The following ZFHX3 variants were observed in gnomAD, a reference collection of about 807,000 sequenced individuals.
ZFHX3 encodes zinc finger homeobox 3.
A neutral mutation model predicts 279.1 loss-of-function variants in ZFHX3; 42 were observed. The observed-to-expected ratio is 0.15, with a 90% confidence interval of 0.12 to 0.19. The LOEUF is 0.19. ZFHX3 is among the 10% of genes least tolerant of loss of function. The pLI, the probability that ZFHX3 is intolerant of heterozygous loss-of-function variation, is 1.00. For missense variants in ZFHX3, 4,981 were observed against 4,754.0 expected (o/e 1.05, Z -1.40); for synonymous variants, 2,293 against 1,957.8 (o/e 1.17, Z -4.52).
intron 3 of ZFHX3, among the ~76,000 whole-genome samples, chr16:73,346,764 G>T (rs1016327277): frequency 1.3e-5 from 2 of 152,128 alleles, no homozygotes; most frequent in African/African-American, 4.8e-5. Context: ...GAGCCACTGT[G>T]CCCAGTCTGT....
rs11417738 is a variant in ZFHX3, at chr16:73,454,574, C to CAAA, written c.-1291+1426_-1291+1428dup. 1.2e-3 allele frequency among the ~76,000 whole-genome samples: 168 copies of CAAA among 137,450 alleles called. 5 individuals carry two copies. The highest frequency in any genetic ancestry group is 9.2e-3 in the East Asian group (44 of 4,760). 90.2% of individuals were successfully genotyped at this position (137,450 alleles called of 152,430 possible). On this transcript the variant is annotated intron_variant, in intron 3 of 17. Transcript: ENST00000641206. The stretch of plus-strand genomic sequence containing the variant: ...TCCTCACTCTCACAGCCAAATTTCT[C>CAAA]AAAAAAAAAAAAAAAGCCATTTACA...
upstream of ZFHX3, among the ~76,000 whole-genome samples, chr16:73,052,232 C>A (rs942816298): frequency 2.6e-5 from 4 of 151,870 alleles, no homozygotes; most frequent in Non-Finnish European, 5.9e-5. Context: ...AAAAAAATCC[C>A]AACACGGTAT....
chr16:72,902,285 G>T (rs1320916628), intron 3 of ZFHX3, among the ~76,000 whole-genome samples: 2 of 152,254 alleles, frequency 1.3e-5, no homozygotes, highest in South Asian at 2.1e-4. Context: ...TCTCAATCAG[G>T]TCTGATCAAT....
intron 1 of ZFHX3, among the ~76,000 whole-genome samples, chr16:73,873,997 G>A (rs190456959): frequency 6.6e-6 from 1 of 152,058 alleles, no homozygotes; most frequent in South Asian, 2.1e-4. Flanking sequence ...AGAAACAAAG[G>A]TATTGCTACT....
At chr16:72,879,882 G>C (rs781415053) in intron 4 of ZFHX3, among the ~76,000 whole-genome samples, 3 of 152,206 alleles carry the variant, frequency 2.0e-5, no homozygotes, top group African/African-American at 4.8e-5. Context: ...AGTCCTCTTG[G>C]TGTTTGCCAG....
chr16:73,490,987 A>G (rs764385506), intron 2 of ZFHX3, among the ~76,000 whole-genome samples: 4 of 152,218 alleles, frequency 2.6e-5, no homozygotes, highest in Non-Finnish European at 5.9e-5. Context: ...TGTTGGGTGC[A>G]GTTTTTATAT....
intron 3 of ZFHX3, among the ~76,000 whole-genome samples, chr16:73,399,442 C>T (rs768335660): frequency 9.2e-5 from 14 of 152,136 alleles, no homozygotes; most frequent in Admixed American, 2.0e-4. Flanking sequence ...CTTGGGGACA[C>T]GCAGCACCCC....
chr16:73,648,199 C>T lies in ZFHX3; in HGVS notation c.-1547+31981G>A, dbSNP rs77010467. Among the ~76,000 whole-genome samples the T allele has an allele frequency of 6.5e-3, 981 of 152,010 alleles. 9 individuals carry two copies. The highest frequency in any genetic ancestry group is 0.023 in the African/African-American group (934 of 41,440). On this transcript the variant is annotated intron_variant, in intron 2 of 17. Coordinates refer to the ZFHX3 transcript ENST00000641206. Reference sequence around the variant, plus strand: ...GTGCAGGATATATCTATATGGATGCCGACTGATGCATTATTTTAATTATAA... The same window carrying T: ...GTGCAGGATATATCTATATGGATGCTGACTGATGCATTATTTTAATTATAA...
At chr16:73,347,904 T>C (rs950256652) in intron 3 of ZFHX3, among the ~76,000 whole-genome samples, 1 of 152,230 alleles carries the variant, frequency 6.6e-6, no homozygotes, top group Non-Finnish European at 1.5e-5. Flanking sequence ...CCATTGGACA[T>C]GAAGCTGATA....
chr16:72,869,274 GCA>G (rs759833203), intron 4 of ZFHX3, among the ~76,000 whole-genome samples: 1 of 152,168 alleles, frequency 6.6e-6, no homozygotes, highest in African/African-American at 2.4e-5. Flanking sequence ...GTGAGCTCTT[GCA>G]CAGTTACCAG....
rs574072550 is a variant in ZFHX3, at chr16:73,617,218, T to G, written c.-1547+62962A>C. On this transcript the variant is annotated intron_variant, in intron 2 of 17. Coordinates refer to the ZFHX3 transcript ENST00000641206. Reference sequence around the variant, plus strand: ...GCCCTATCATTAGCTGTAATTGATATGACGGGCTGCTTATAAGGTGGGAAT... The same window carrying G: ...GCCCTATCATTAGCTGTAATTGATAGGACGGGCTGCTTATAAGGTGGGAAT... Among the ~76,000 whole-genome samples the G allele has an allele frequency of 7.9e-5, 12 of 152,350 alleles. No individual in the cohort carries two copies. In the South Asian group the frequency reaches 2.1e-3, roughly 26 times the overall value.
At chr16:73,523,906 C>T (rs1393028984) in intron 2 of ZFHX3, among the ~76,000 whole-genome samples, 1 of 152,162 alleles carries the variant, frequency 6.6e-6, no homozygotes, top group African/African-American at 2.4e-5. Flanking sequence ...GGATGGTCAA[C>T]TGATTTTGAA....
chr16:72,940,938 T>C (rs1367595998), intron 3 of ZFHX3, among the ~76,000 whole-genome samples: 4 of 152,234 alleles, frequency 2.6e-5, no homozygotes, highest in African/African-American at 9.7e-5. Flanking sequence ...CTGCATTCCC[T>C]ATTAGCGACC....
intron 2 of ZFHX3, among the ~76,000 whole-genome samples, chr16:73,516,469 C>G (rs1344674595): frequency 2.0e-5 from 3 of 152,138 alleles, no homozygotes; most frequent in Non-Finnish European, 4.4e-5. Context: ...TTTAAATGTT[C>G]TATATTGTGA....
intron 1 of ZFHX3, among the ~76,000 whole-genome samples, chr16:73,021,634 C>G (rs185689993): frequency 3.8e-4 from 57 of 151,564 alleles, no homozygotes; most frequent in Middle Eastern, 3.4e-3. Flanking sequence ...AGTTTGAGAC[C>G]AGCCTGGCCA....
chr16:72,855,082 G>A lies in ZFHX3; in HGVS notation c.3449-25223C>T, dbSNP rs142081244. Reference sequence around the variant, plus strand: ...TCCAATTAAACAGAGAGAGGGCTGGGGCAGATTGAGAAGATTTATGCTGCA... The same window carrying A: ...TCCAATTAAACAGAGAGAGGGCTGGAGCAGATTGAGAAGATTTATGCTGCA... On this transcript the variant is annotated intron_variant, in intron 4 of 9. Transcript: ENST00000268489. 6.1e-4 allele frequency among the ~76,000 whole-genome samples: 93 copies of A among 152,246 alleles called. 1 individual carries two copies. The highest frequency in any genetic ancestry group is 2.0e-3 in the African/African-American group (84 of 41,536).
intron 2 of ZFHX3, among the ~76,000 whole-genome samples, chr16:73,600,711 T>C (rs1016777508): frequency 2.0e-5 from 3 of 152,136 alleles, no homozygotes; most frequent in African/African-American, 7.2e-5. Context: ...TGAGCCACCA[T>C]GCCTGGCCAT....
intron 5 of ZFHX3, among the ~76,000 whole-genome samples, chr16:73,179,006 G>A (rs1197145879): frequency 6.6e-6 from 1 of 152,204 alleles, no homozygotes; most frequent in Non-Finnish European, 1.5e-5. Context: ...AATGGTTGGA[G>A]GGAACCATGC....
At chr16:72,938,051 G>C (rs1213230766) in intron 3 of ZFHX3, among the ~76,000 whole-genome samples, 1 of 152,232 alleles carries the variant, frequency 6.6e-6, no homozygotes, top group Non-Finnish European at 1.5e-5. Flanking sequence ...GTCCTCAAGA[G>C]GTTTACGAAC....
Sources: gnomAD v4.1 joint callset for allele counts (sites outside exome capture counted in the v4.1 genomes callset) on GRCh38, gnomAD v4.1.1 for gene constraint, MANE v1.5 for transcripts, NCBI Gene and HGNC (gene_info 2026-07-23, HGNC 2026-07-21) for gene names.